The following FAF1 variants were observed in gnomAD, a reference collection of about 807,000 sequenced individuals.
FAF1 encodes FAS-associated factor 1.
A neutral mutation model predicts 92.5 loss-of-function variants in FAF1; 25 were observed. The ratio of observed to expected loss-of-function variants is 0.27; its 90% CI spans 0.20 to 0.38. FAF1 has a LOEUF of 0.38. Ranked by LOEUF, FAF1 falls within the 10% of genes least tolerant of loss-of-function variation. The pLI is 1.00. For missense variants in FAF1, 636 were observed against 793.3 expected (o/e 0.80, Z 2.38); for synonymous variants, 234 against 273.2 (o/e 0.86, Z 1.42).
Position 50,471,370 on chromosome 1 carries a change from A to G in FAF1, c.1869+4094T>C, listed in dbSNP as rs116372438. On this transcript the variant is annotated intron_variant, in intron 18 of 18. Transcript: ENST00000396153. ...AGGAATTTGTATACCCCAAATTTGA[A>G]AGGCTTTTCCCCCAGTACATTTAAA... is the stretch of plus-strand genomic sequence containing the variant. 2.3e-3 allele frequency among the ~76,000 whole-genome samples: 348 copies of G among 152,278 alleles called. 1 individual carries two copies. The highest frequency in any genetic ancestry group is 7.9e-3 in the African/African-American group (329 of 41,548).
rs896881118 is a variant in FAF1 at position 50,596,030 on chromosome 1, T to C, written c.840+91A>G. 14 of 806,428 alleles carry C rather than the reference T, an allele frequency of 1.7e-5. No individual in the cohort carries two copies. In the Admixed American group the frequency reaches 3.2e-4, roughly 18 times the overall value. 50.0% of individuals were successfully genotyped at this position (806,428 alleles called of 1,614,324 possible). On this transcript the variant is annotated intron_variant, in intron 9 of 18. Coordinates refer to ENST00000396153, the MANE Select transcript of FAF1 (RefSeq NM_007051.3). ...TTAATGCTACATTAACTTTATCTGTTCATTGCTCTGGCAGATAAAAAAAAA... is the reference window on the plus strand; with the variant it reads ...TTAATGCTACATTAACTTTATCTGTCCATTGCTCTGGCAGATAAAAAAAAA...
intron 7 of FAF1, among the ~76,000 whole-genome samples, chr1:50,671,298 G>A (rs556188683): frequency 9.9e-5 from 15 of 151,864 alleles, no homozygotes; most frequent in African/African-American, 3.1e-4. Flanking sequence ...CCAGTTACTC[G>A]GGAGTCTGAG....
At chr1:50,854,972 T>C (rs561520520) in intron 2 of FAF1, among the ~76,000 whole-genome samples, 6 of 151,920 alleles carry the variant, frequency 3.9e-5, no homozygotes, top group Non-Finnish European at 5.9e-5. Context: ...GGATGATGTT[T>C]GAAAGGAAAT....
chr1:50,621,706 C>T (rs569878578), intron 8 of FAF1, among the ~76,000 whole-genome samples: 7 of 152,138 alleles, frequency 4.6e-5, no homozygotes, highest in African/African-American at 4.8e-5. Flanking sequence ...GGCCCAGCCC[C>T]GATCTTTCTT....
At chr1:50,778,986 C>A (rs1661062936) in intron 4 of FAF1, among the ~76,000 whole-genome samples, 1 of 152,028 alleles carries the variant, frequency 6.6e-6, no homozygotes, top group South Asian at 2.1e-4. Context: ...TCTCTCAAAC[C>A]CTGCCACTGT....
intron 2 of FAF1, among the ~76,000 whole-genome samples, chr1:50,814,487 T>C (rs1301170872): frequency 6.6e-6 from 1 of 152,100 alleles, no homozygotes; most frequent in Non-Finnish European, 1.5e-5. Flanking sequence ...ACAAACCAAC[T>C]ACAGATACAT....
intron 18 of FAF1, among the ~76,000 whole-genome samples, chr1:50,472,649 C>G (rs879426432): frequency 2.0e-5 from 3 of 152,102 alleles, no homozygotes; most frequent in Non-Finnish European, 4.4e-5. Flanking sequence ...TTACCAGGTC[C>G]TCTGCTGAGA....
intron 7 of FAF1, among the ~76,000 whole-genome samples, chr1:50,666,704 G>T (rs1655651443): frequency 6.6e-6 from 1 of 152,086 alleles, no homozygotes; most frequent in African/African-American, 2.4e-5. Flanking sequence ...CCAACATGGT[G>T]AAACTCCATC....
chr1:50,958,055 G>A (rs1381742965), intron 1 of FAF1, among the ~76,000 whole-genome samples: 1 of 152,122 alleles, frequency 6.6e-6, no homozygotes, highest in Admixed American at 6.5e-5. Flanking sequence ...CAACACTTTC[G>A]GAGCCTGAGG....
At chr1:50,865,080 T>C (rs928174810) in intron 1 of FAF1, among the ~76,000 whole-genome samples, 8 of 151,986 alleles carry the variant, frequency 5.3e-5, no homozygotes, top group Non-Finnish European at 7.4e-5. Context: ...AAAAAACACA[T>C]GAAAAAATCC....
At chr1:50,765,797 A>C (rs1660547333) in intron 4 of FAF1, among the ~76,000 whole-genome samples, 1 of 152,198 alleles carries the variant, frequency 6.6e-6, no homozygotes, top group Non-Finnish European at 1.5e-5. Flanking sequence ...AACATTAAAA[A>C]GAGTAAAATA....
At chr1:50,882,001 A>C (rs1644616391) in intron 1 of FAF1, among the ~76,000 whole-genome samples, 1 of 152,228 alleles carries the variant, frequency 6.6e-6, no homozygotes, top group East Asian at 1.9e-4. Flanking sequence ...GACTTCACAC[A>C]AAAGGCATTG....
chr1:50,617,262 T>C (rs760388294), intron 8 of FAF1, among the ~76,000 whole-genome samples: 12 of 152,200 alleles, frequency 7.9e-5, no homozygotes, highest in Non-Finnish European at 1.3e-4. Context: ...TTCAGTATAA[T>C]GTTAGCTGTG....
chr1:50,634,127 C>A (rs889803266), intron 8 of FAF1, among the ~76,000 whole-genome samples: 4 of 152,074 alleles, frequency 2.6e-5, no homozygotes, highest in African/African-American at 9.7e-5. Context: ...ACCTTGGGTT[C>A]AAAAGGCTAC....
chr1:50,842,352 A>G (rs1170898136), intron 2 of FAF1, among the ~76,000 whole-genome samples: 1 of 152,120 alleles, frequency 6.6e-6, no homozygotes, highest in Non-Finnish European at 1.5e-5. Context: ...ATTAGCTTTT[A>G]GCTTGCCATT....
At chr1:50,560,117 G>T (rs1254939097) in intron 13 of FAF1, among the ~76,000 whole-genome samples, 4 of 152,164 alleles carry the variant, frequency 2.6e-5, no homozygotes, top group Non-Finnish European at 5.9e-5. Context: ...AGATCAAATG[G>T]AAGTGTAGGG....
chr1:50,932,548 C>T (rs1486993882), intron 1 of FAF1, among the ~76,000 whole-genome samples: 4 of 152,230 alleles, frequency 2.6e-5, no homozygotes, highest in African/African-American at 4.8e-5. Flanking sequence ...GGCAGCTCCG[C>T]GCCTGTGGCT....
chr1:50,781,491 AC>A (rs1438624058), intron 4 of FAF1, among the ~76,000 whole-genome samples: 1 of 152,194 alleles, frequency 6.6e-6, no homozygotes, highest in African/African-American at 2.4e-5. Flanking sequence ...ATACTGAAGT[AC>A]CCAAATATAT....
chr1:50,533,163 G>A (rs960901641), intron 15 of FAF1, among the ~76,000 whole-genome samples: 13 of 151,936 alleles, frequency 8.6e-5, no homozygotes, highest in African/African-American at 3.1e-4. Flanking sequence ...GAATACAATG[G>A]CATGAACATG....
Sources: gnomAD v4.1 joint callset for allele counts (sites outside exome capture counted in the v4.1 genomes callset) on GRCh38, gnomAD v4.1.1 for gene constraint, MANE v1.5 for transcripts, NCBI Gene and HGNC (gene_info 2026-07-23, HGNC 2026-07-21) for gene names.